Variants in MCPH1 observed in about 807,000 individuals in gnomAD.
The protein encoded by MCPH1 is microcephalin 1.
A neutral mutation model predicts 84.5 loss-of-function variants in MCPH1; 104 were observed. The ratio of observed to expected loss-of-function variants is 1.23; its 90% CI spans 1.05 to 1.45. The LOEUF (loss-of-function observed/expected upper bound fraction) is 1.45, where lower values mean the gene tolerates loss of function less well. Ranked by LOEUF, MCPH1 falls within the 40% of genes most tolerant of loss-of-function variation. The probability of loss-of-function intolerance (pLI) is 0.00; values close to 1 mark genes in which losing one functional copy is unlikely to be tolerated. For synonymous variants in MCPH1, 514 were observed against 366.8 expected, an observed-to-expected ratio of 1.40 and a Z score of -4.58; for missense variants, 1,498 against 1,005.7, an observed-to-expected ratio of 1.49 and a Z score of -6.62.
intron 2 of MCPH1, among the ~76,000 whole-genome samples, chr8:6,412,007 G>T (rs1163211334): frequency 6.6e-6 from 1 of 152,134 alleles, no homozygotes; most frequent in Non-Finnish European, 1.5e-5. Flanking sequence ...ATAATCGAAG[G>T]CAGGGCTAGG....
intron 8 of MCPH1, among the ~76,000 whole-genome samples, chr8:6,453,618 C>T (rs894180179): frequency 3.9e-5 from 6 of 152,108 alleles, no homozygotes; most frequent in African/African-American, 1.2e-4. Context: ...TAGTCCACTG[C>T]TTTTCCGATT....
chr8:6,564,478 C>T (rs2129576052), intron 12 of MCPH1, among the ~76,000 whole-genome samples: 1 of 152,268 alleles, frequency 6.6e-6, no homozygotes, highest in South Asian at 2.1e-4. Flanking sequence ...GTAAGTTCTG[C>T]AAGTCACTTC....
chr8:6,518,674 C>T (rs149023088), intron 12 of MCPH1, among the ~76,000 whole-genome samples: 1 of 152,156 alleles, frequency 6.6e-6, no homozygotes, highest in Non-Finnish European at 1.5e-5. Context: ...AGAGATAATA[C>T]TTCCAAGAGC....
intron 12 of MCPH1, among the ~76,000 whole-genome samples, chr8:6,559,306 C>G (rs1028338719): frequency 6.6e-6 from 1 of 151,936 alleles, no homozygotes; most frequent in African/African-American, 2.4e-5. Flanking sequence ...CTGGGTTCCC[C>G]TGGGAGCCCC....
At chr8:6,509,737 T>A (rs1265020573) in intron 12 of MCPH1, among the ~76,000 whole-genome samples, 3 of 152,136 alleles carry the variant, frequency 2.0e-5, no homozygotes, top group African/African-American at 7.2e-5. Context: ...ATATTGAAAA[T>A]GCATGGAATA....
intron 12 of MCPH1, among the ~76,000 whole-genome samples, chr8:6,551,918 A>G (rs906370872): frequency 2.6e-5 from 4 of 152,176 alleles, no homozygotes; most frequent in African/African-American, 9.7e-5. Context: ...GTATGTAATA[A>G]TTTTTTGAGA....
chr8:6,631,237 A>G (rs1797136464), intron 13 of MCPH1, among the ~76,000 whole-genome samples: 2 of 152,248 alleles, frequency 1.3e-5, no homozygotes, highest in Non-Finnish European at 2.9e-5. Context: ...CCTCATCTCC[A>G]TCTCACATAA....
intron 13 of MCPH1, among the ~76,000 whole-genome samples, chr8:6,629,308 C>T (rs990895126): frequency 5.3e-5 from 8 of 152,022 alleles, no homozygotes; most frequent in Admixed American, 4.6e-4. Context: ...ACTAAAAATG[C>T]AAAATTAGCT....
chr8:6,429,359 C>T (rs1446264610), intron 3 of MCPH1, among the ~76,000 whole-genome samples: 3 of 151,926 alleles, frequency 2.0e-5, no homozygotes, highest in Non-Finnish European at 2.9e-5. Context: ...GAAGGAGAGT[C>T]GCTCCCTCTT....
At chr8:6,550,007 ATTCGG>A (rs1823336905) in intron 12 of MCPH1, among the ~76,000 whole-genome samples, 1 of 152,234 alleles carries the variant, frequency 6.6e-6, no homozygotes, top group Non-Finnish European at 1.5e-5. Context: ...CCAGGTGATC[ATTCGG>A]GGACGGGGGA....
At chr8:6,554,893 T>C (rs1013016470) in intron 12 of MCPH1, among the ~76,000 whole-genome samples, 25 of 152,304 alleles carry the variant, frequency 1.6e-4, no homozygotes, top group African/African-American at 6.0e-4. Context: ...TCACATCTTT[T>C]GTCAAGTGGT....
intron 13 of MCPH1, among the ~76,000 whole-genome samples, chr8:6,632,226 G>C (rs1797214981): frequency 6.6e-6 from 1 of 152,208 alleles, no homozygotes; most frequent in South Asian, 2.1e-4. Flanking sequence ...CAGAGACTCA[G>C]TTTTGGATAA....
intron 9 of MCPH1, among the ~76,000 whole-genome samples, chr8:6,464,892 G>A (rs1256725210): frequency 1.3e-5 from 2 of 152,088 alleles, no homozygotes; most frequent in East Asian, 1.9e-4. Flanking sequence ...CCAGCTACTC[G>A]GGAGACTAAG....
At chr8:6,496,487 A>C (rs1179212726) in intron 11 of MCPH1, among the ~76,000 whole-genome samples, 1 of 152,046 alleles carries the variant, frequency 6.6e-6, no homozygotes, top group Non-Finnish European at 1.5e-5. Context: ...TTTGTATGCA[A>C]AGAATATTGT....
intron 12 of MCPH1, among the ~76,000 whole-genome samples, chr8:6,572,866 C>T (rs1400345171): frequency 6.6e-6 from 1 of 152,206 alleles, no homozygotes; most frequent in African/African-American, 2.4e-5. Context: ...CGGGAAGCCT[C>T]CCAAACCACG....
chr8:6,645,820 A>C lies in MCPH1; in HGVS notation c.*2771A>C, dbSNP rs144963413. 230 of 152,314 alleles carry C rather than the reference A, an allele frequency of 1.5e-3. No homozygotes were observed. Among genetic ancestry groups the C allele is most frequent in the African/African-American group, 5.2e-3 (218 of 41,580 alleles). The allele number at this position is 152,314 out of a possible 1,614,324, so 9.4% of individuals were successfully genotyped here. A position where few individuals can be genotyped will look rare whatever the true frequency, so the allele number is the denominator to read the frequency against. ...ACAAAATAGGAATAGACTTGGCAAC[A>C]GTTGTAACATCTGTATACTGAAACC... On this transcript the variant is annotated 3_prime_UTR_variant, in exon 14 of 14. Coordinates refer to ENST00000344683, the MANE Select transcript of MCPH1 (RefSeq NM_024596.5).
chr8:6,501,803 C>T (rs1812249673), intron 12 of MCPH1: 1 of 152,048 alleles, frequency 6.6e-6, no homozygotes, highest in African/African-American at 2.4e-5. Flanking sequence ...GTGATCTGCC[C>T]ACCTTGCCTA....
chr8:6,409,876 G>A (rs907696327), intron 2 of MCPH1, among the ~76,000 whole-genome samples: 1 of 152,156 alleles, frequency 6.6e-6, no homozygotes, highest in South Asian at 2.1e-4. Flanking sequence ...GCGTTGTTCA[G>A]TATTCAAGGA....
intron 3 of MCPH1, among the ~76,000 whole-genome samples, chr8:6,419,276 A>G (rs920899772): frequency 1.6e-4 from 25 of 151,996 alleles, no homozygotes; most frequent in Admixed American, 7.9e-4. Context: ...CTGGAATGCA[A>G]TGACTCAGTT....
Sources: allele counts gnomAD v4.1 joint callset (sites outside exome capture counted in the v4.1 genomes callset), GRCh38; gene constraint gnomAD v4.1.1; transcripts MANE v1.5; gene names NCBI Gene and HGNC (gene_info 2026-07-23, HGNC 2026-07-21).